The following TEX15 variants were observed in gnomAD, a reference collection of about 807,000 sequenced individuals.
TEX15 encodes the protein testis-expressed protein 15.
In TEX15, 171 loss-of-function variants were observed where a neutral mutation model predicts 237.3. The ratio of observed to expected loss-of-function variants is 0.72; its 90% CI spans 0.64 to 0.82. TEX15 has a LOEUF of 0.82. TEX15 is among the 40% of genes least tolerant of loss of function. The pLI is 0.00. For missense variants in TEX15, 3,750 were observed against 3,646.5 expected, an observed-to-expected ratio of 1.03 and a Z score of -0.73; for synonymous variants, 1,338 against 1,269.8, an observed-to-expected ratio of 1.05 and a Z score of -1.14.
At chr8:30,850,208 T>C (rs1010629964) in intron 7 of TEX15, among the ~76,000 whole-genome samples, 1 of 152,096 alleles carries the variant, frequency 6.6e-6, no homozygotes, top group Non-Finnish European at 1.5e-5. Flanking sequence ...GAAATGAATG[T>C]TCCTGCAAAT....
At chr8:30,879,851 T>C (rs1808480305) in intron 3 of TEX15, among the ~76,000 whole-genome samples, 1 of 152,108 alleles carries the variant, frequency 6.6e-6, no homozygotes, top group South Asian at 2.1e-4. Context: ...TCAGATAAAT[T>C]TGTGGTGAAC....
At chr8:30,897,138 A>AGT (rs1808921723) in intron 2 of TEX15, among the ~76,000 whole-genome samples, 1 of 152,250 alleles carries the variant, frequency 6.6e-6, no homozygotes, top group Non-Finnish European at 1.5e-5. Flanking sequence ...CTGAACAAGA[A>AGT]GTCGGCAGAC....
intron 1 of TEX15, among the ~76,000 whole-genome samples, chr8:30,907,097 C>CT (rs1251295710): frequency 6.6e-6 from 1 of 152,130 alleles, no homozygotes; most frequent in African/African-American, 2.4e-5. Context: ...CACCATTGCC[C>CT]TATGTAATTA....
chr8:30,880,592 TCTTC>T lies in TEX15; in HGVS notation c.137-5494_137-5491del, dbSNP rs548995724. 5.2e-3 allele frequency among the ~76,000 whole-genome samples: 791 copies of T among 152,356 alleles called. 5 individuals are homozygous for T. Among genetic ancestry groups the T allele is most frequent in the African/African-American group, 0.017 (722 of 41,570 alleles). ...TTTAAGGAATAGTAAACATATTTTC[TCTTC>T]CTTATGATTTTCTTAGTAACATTTT... On this transcript the variant is annotated intron_variant, in intron 3 of 10. Transcript: ENST00000643185.
At chr8:30,860,116 T>C in intron 5 of TEX15, 59 bp from the exon 6 acceptor site, 1 of 1,319,420 alleles carries the variant, frequency 7.6e-7, no homozygotes, top group Non-Finnish European at 9.9e-7. Flanking sequence ...GTTTCTAAAC[T>C]GTCACATTTC....
intron 2 of TEX15, among the ~76,000 whole-genome samples, chr8:30,889,927 T>TTATATACATA (rs1808748923): frequency 9.1e-6 from 1 of 109,922 alleles, no homozygotes; most frequent in African/African-American, 5.3e-5. Flanking sequence ...TATGTATTAG[T>TTATATACATA]TATATACATA....
At chr8:30,838,082 A>G in intron 9 of TEX15, 21 bp from the exon 10 acceptor site, 1 of 1,547,800 alleles carries the variant, frequency 6.5e-7, no homozygotes, top group Non-Finnish European at 8.7e-7. Context: ...CAACACATAC[A>G]TAAAAATGAA....
Position 30,848,216 on chromosome 8 carries a change from T to C in TEX15, c.1951A>G (p.Thr651Ala), listed in dbSNP as rs745430900. The C allele has an allele frequency of 1.2e-6, 2 of 1,612,792 alleles. No homozygotes were observed. The highest frequency in any genetic ancestry group is 4.5e-5 in the East Asian group (2 of 44,874). The change falls in exon 8 of 11, where the codon ACA becomes GCA. Residue 651 changes from threonine (T) to alanine (A), a missense_variant. Thr to Ala is a moderately conservative substitution (Grantham distance 58, BLOSUM62 0). Coordinates refer to ENST00000643185, the MANE Select transcript of TEX15 (RefSeq NM_001350162.2). ...KEIDNDFTNE[T>A]KISPIDNYIV... Reference sequence around the variant, plus strand: ...TAATTATCTATTGGACTGATTTTTGTTTCATTAGTGAAATCATTATCAATT... The same window carrying C: ...TAATTATCTATTGGACTGATTTTTGCTTCATTAGTGAAATCATTATCAATT...
chr8:30,841,209 C>T (rs566823854), intron 8 of TEX15, among the ~76,000 whole-genome samples: 1 of 152,152 alleles, frequency 6.6e-6, no homozygotes, highest in East Asian at 1.9e-4. Context: ...CGTGAGCTAT[C>T]GCACCCAGCT....
intron 5 of TEX15, among the ~76,000 whole-genome samples, chr8:30,866,123 T>C (rs1808156905): frequency 6.6e-6 from 1 of 152,050 alleles, no homozygotes; most frequent in Admixed American, 6.6e-5. Flanking sequence ...CACTCATCAG[T>C]AGTATTTCTA....
Position 30,845,484 on chromosome 8 carries a change from G to C in TEX15, c.4683C>G (p.Asp1561Glu), listed in dbSNP as rs750658266. 1.9e-6 allele frequency: 3 copies of C among 1,613,416 alleles called. No homozygotes were observed. The highest frequency in any genetic ancestry group is 2.2e-5 in the South Asian group (2 of 91,040). Residue 1561 changes from aspartate to glutamate, a missense_variant, in exon 8 of 11, where the codon GAC becomes GAG. Physicochemically the swap from Asp to Glu is conservative, Grantham distance 45 (BLOSUM62 2). Transcript: ENST00000643185. Reference protein sequence around the residue: ...SGKTAYLFSPDHSDEKLIEKE... With the variant: ...SGKTAYLFSPEHSDEKLIEKE... ...TTTCTATTAGTTTCTCATCTGAGTG[G>C]TCTGGGGAAAACAGATATGCAGTTT...
chr8:30,911,772 T>C (rs1467983415), intron 1 of TEX15, among the ~76,000 whole-genome samples: 5 of 152,104 alleles, frequency 3.3e-5, no homozygotes, highest in Non-Finnish European at 5.9e-5. Context: ...GCGGTGGCCA[T>C]GCGCCTCAAA....
chr8:30,883,714 T>C (rs1808586741), intron 3 of TEX15, among the ~76,000 whole-genome samples: 1 of 152,252 alleles, frequency 6.6e-6, no homozygotes, highest in South Asian at 2.1e-4. Context: ...TTCCATGATG[T>C]ATATATACCA....
At chr8:30,905,776 C>T (rs920237023) in intron 1 of TEX15, among the ~76,000 whole-genome samples, 21 of 145,994 alleles carry the variant, frequency 1.4e-4, no homozygotes, top group African/African-American at 5.4e-4. Context: ...CATGGTGGCA[C>T]ACCTGTATTC....
At chr8:30,880,021 A>G (rs1808485123) in intron 3 of TEX15, among the ~76,000 whole-genome samples, 1 of 151,662 alleles carries the variant, frequency 6.6e-6, no homozygotes, top group Admixed American at 6.6e-5. Context: ...ATTTCATTTT[A>G]AGGTTATTAT....
At chr8:30,892,875 T>C (rs1033317717) in intron 2 of TEX15, among the ~76,000 whole-genome samples, 10 of 151,730 alleles carry the variant, frequency 6.6e-5, no homozygotes, top group Non-Finnish European at 1.5e-4. Context: ...CTACTAAAAA[T>C]GCAAAAAATT....
chr8:30,895,558 C>CT (rs35248591), intron 2 of TEX15, among the ~76,000 whole-genome samples: 3,494 of 134,478 alleles, frequency 0.026, 59 homozygotes, highest in Middle Eastern at 0.04. Context: ...AGTATTAGAT[C>CT]TTTTTTTTTT....
intron 4 of TEX15, among the ~76,000 whole-genome samples, chr8:30,873,000 G>T (rs888563589): frequency 6.6e-6 from 1 of 152,126 alleles, no homozygotes; most frequent in African/African-American, 2.4e-5. Context: ...ATACGATATA[G>T]TTGAGGTGTA....
At chr8:30,908,939 A>C (rs1809163593) in intron 1 of TEX15, among the ~76,000 whole-genome samples, 1 of 152,206 alleles carries the variant, frequency 6.6e-6, no homozygotes. Context: ...TTTTAATATA[A>C]AAATGCCATT....
Sources: gnomAD v4.1 joint callset for allele counts (sites outside exome capture counted in the v4.1 genomes callset) on GRCh38, gnomAD v4.1.1 for gene constraint, MANE v1.5 for transcripts, NCBI Gene and HGNC (gene_info 2026-07-23, HGNC 2026-07-21) for gene names.